ZNRF2: variants seen among roughly 807,000 people sequenced by gnomAD.
ZNRF2 encodes E3 ubiquitin-protein ligase ZNRF2.
ZNRF2 carries 16 observed loss-of-function variants against 20.4 expected under a neutral mutation model. The ratio of observed to expected loss-of-function variants is 0.79; its 90% CI spans 0.53 to 1.19. The LOEUF is 1.19. Among genes scored for constraint, ZNRF2 ranks in the 50% most tolerant of loss-of-function variants. The pLI, the probability that ZNRF2 is intolerant of heterozygous loss-of-function variation, is 0.00. For synonymous variants in ZNRF2, 178 were observed against 144.9 expected (o/e 1.23, Z -1.64); for missense variants, 363 against 332.4 (o/e 1.09, Z -0.72).
At chr7:30,349,651 A>G (rs1253018289) in intron 2 of ZNRF2, among the ~76,000 whole-genome samples, 2 of 152,110 alleles carry the variant, frequency 1.3e-5, no homozygotes, top group African/African-American at 4.8e-5. Context: ...ATGAGCCTAC[A>G]TACATTAAAA....
intron 1 of ZNRF2, among the ~76,000 whole-genome samples, chr7:30,294,204 C>G (rs1798968595): frequency 6.6e-6 from 1 of 151,960 alleles, no homozygotes; most frequent in African/African-American, 2.4e-5. Flanking sequence ...TTTGTTCTTT[C>G]TCTTAGCTTC....
chr7:30,296,373 C>T (rs527938565), intron 1 of ZNRF2, among the ~76,000 whole-genome samples: 22 of 152,070 alleles, frequency 1.4e-4, no homozygotes, highest in Non-Finnish European at 2.5e-4. Context: ...GTTTTGTGGG[C>T]GGTTGGAGAT....
intron 2 of ZNRF2, among the ~76,000 whole-genome samples, chr7:30,324,054 G>A (rs956171179): frequency 1.3e-5 from 2 of 152,072 alleles, no homozygotes; most frequent in Non-Finnish European, 2.9e-5. Flanking sequence ...TAAATGAAAA[G>A]TAAATTTTCT....
intron 1 of ZNRF2, among the ~76,000 whole-genome samples, chr7:30,290,841 A>G (rs966840450): frequency 7.9e-5 from 12 of 152,268 alleles, no homozygotes; most frequent in Non-Finnish European, 1.2e-4. Context: ...ATGGTTAAGT[A>G]TAGCATTAAT....
chr7:30,355,584 A>G (rs1352688873), intron 2 of ZNRF2, 144 bp from the exon 3 acceptor site: 3 of 578,622 alleles, frequency 5.2e-6, no homozygotes, highest in Middle Eastern at 6.5e-4. Context: ...TTTCAAATAC[A>G]CGTGCTGAGT....
chr7:30,325,869 A>G (rs1439569883), intron 2 of ZNRF2, among the ~76,000 whole-genome samples: 1 of 152,208 alleles, frequency 6.6e-6, no homozygotes, highest in Non-Finnish European at 1.5e-5. Flanking sequence ...TAAGAAATAG[A>G]AAGTGTTCTC....
intron 1 of ZNRF2, among the ~76,000 whole-genome samples, chr7:30,319,246 A>T (rs1456377207): frequency 6.6e-6 from 1 of 152,154 alleles, no homozygotes; most frequent in Non-Finnish European, 1.5e-5. Flanking sequence ...CAAGAACTGT[A>T]CTGTTTTAAG....
Position 30,324,019 on chromosome 7 carries a change from TAAATA to T in ZNRF2, c.565+283_565+287del, listed in dbSNP as rs922912699. Among the ~76,000 whole-genome samples the T allele has an allele frequency of 8.8e-4, 134 of 152,324 alleles. 1 individual carries two copies. The highest frequency in any genetic ancestry group is 3.1e-3 in the African/African-American group (130 of 41,586). On this transcript the variant is annotated intron_variant, in intron 2 of 4. Transcript: ENST00000323037. ...AATTTTTAATTTATTTTGTTAAACA[TAAATA>T]TAATTATGTTGACAACTTTTAAATG...
chr7:30,300,338 A>G lies in ZNRF2; in HGVS notation c.469+14512A>G, dbSNP rs113605503. On this transcript the variant is annotated intron_variant, in intron 1 of 4. Transcript: ENST00000323037. ...TAATTTCTGTATGTTTAGTAGAGAC[A>G]GGGTTTCACCATGTTGGCCAGGATG... 1.9e-3 allele frequency among the ~76,000 whole-genome samples: 280 copies of G among 147,382 alleles called. 1 individual carries two copies. Among genetic ancestry groups the G allele is most frequent in the Admixed American group, 3.8e-3 (56 of 14,718 alleles).
intron 3 of ZNRF2, among the ~76,000 whole-genome samples, chr7:30,360,070 T>C (rs908779456): frequency 1.3e-5 from 2 of 152,230 alleles, no homozygotes; most frequent in African/African-American, 4.8e-5. Context: ...GTACATATTC[T>C]ACAACTCAGT....
chr7:30,350,985 T>G (rs577026458), intron 2 of ZNRF2, among the ~76,000 whole-genome samples: 7 of 151,744 alleles, frequency 4.6e-5, no homozygotes, highest in Non-Finnish European at 8.8e-5. Flanking sequence ...AATTCAGTCT[T>G]ATTTGTTGGT....
chr7:30,346,082 A>G (rs986854707), intron 2 of ZNRF2, among the ~76,000 whole-genome samples: 2 of 114,870 alleles, frequency 1.7e-5, no homozygotes, highest in East Asian at 2.5e-4. Flanking sequence ...CGCCCAAAAT[A>G]TTTTTTCATT....
In ZNRF2 at chr7:30,285,779, T is replaced by A; in HGVS notation, c.422T>A (p.Leu141Gln). ...PVGGSPGGPR[L>Q]VIGSLPAHLS... ...GGCGGGAGCCCCGGCGGGCCGCGCC[T>A]GGTGATCGGCTCCTTACCAGCTCAC... Residue 141 changes from leucine to glutamine, a missense_variant, in exon 1 of 5, where the codon CTG (leucine) becomes CAG (glutamine). Coordinates refer to ENST00000323037, the MANE Select transcript of ZNRF2 (RefSeq NM_147128.4). 1.3e-6 allele frequency: 2 copies of A among 1,505,096 alleles called. No homozygotes were observed. The highest frequency in any genetic ancestry group is 2.8e-5 in the East Asian group (1 of 36,092). 93.2% of individuals were successfully genotyped at this position (1,505,096 alleles called of 1,614,324 possible). A position where few individuals can be genotyped will look rare whatever the true frequency, so the allele number is the denominator to read the frequency against.
chr7:30,365,409 G>T (rs1403238648), intron 4 of ZNRF2, among the ~76,000 whole-genome samples: 1 of 151,876 alleles, frequency 6.6e-6, no homozygotes, highest in African/African-American at 2.4e-5. Context: ...CCTACTACAT[G>T]GGCAGGGTGA....
chr7:30,364,962 C>T (rs774190858), intron 4 of ZNRF2, among the ~76,000 whole-genome samples: 9 of 152,156 alleles, frequency 5.9e-5, no homozygotes, highest in Non-Finnish European at 8.8e-5. Flanking sequence ...TGTGTGTCCT[C>T]ACGTGGTGGG....
chr7:30,324,346 C>T (rs1799519243), intron 2 of ZNRF2, among the ~76,000 whole-genome samples: 1 of 145,904 alleles, frequency 6.9e-6, no homozygotes, highest in African/African-American at 2.5e-5. Context: ...CCAGCCTGGC[C>T]AACATGGTGA....
intron 2 of ZNRF2, among the ~76,000 whole-genome samples, chr7:30,332,233 T>A (rs189303218): frequency 7.6e-4 from 115 of 152,292 alleles, no homozygotes; most frequent in Admixed American, 1.2e-3. Flanking sequence ...GAAAATCAAA[T>A]GAGAAATCAC....
Position 30,285,776 on chromosome 7 carries a change from G to T in ZNRF2, c.419G>T (p.Arg140Leu). The change falls in exon 1 of 5, where the codon CGC (arginine) becomes CTC (leucine). Residue 140 changes from arginine to leucine, a missense_variant. This residue lies in a region of ZNRF2 where 302 missense variants were observed against 231.5 expected (regional missense o/e 1.30). Coordinates refer to ENST00000323037, the MANE Select transcript of ZNRF2 (RefSeq NM_147128.4). The stretch of plus-strand genomic sequence containing the variant: ...GTGGGCGGGAGCCCCGGCGGGCCGC[G>T]CCTGGTGATCGGCTCCTTACCAGCT... The part of the protein sequence containing the change: ...RPVGGSPGGP[R>L]LVIGSLPAHL... 2.7e-6 allele frequency: 4 copies of T among 1,499,654 alleles called. No homozygotes were observed. The highest frequency in any genetic ancestry group is 2.6e-6 in the Non-Finnish European group (3 of 1,132,290). 92.9% of individuals were successfully genotyped at this position (1,499,654 alleles called of 1,614,324 possible).
At chr7:30,344,787 T>A (rs779481590) in intron 2 of ZNRF2, among the ~76,000 whole-genome samples, 1 of 152,248 alleles carries the variant, frequency 6.6e-6, no homozygotes, top group Non-Finnish European at 1.5e-5. Context: ...TACCTAGATT[T>A]CTTGCATGTT....
Sources: allele counts gnomAD v4.1 joint callset (sites outside exome capture counted in the v4.1 genomes callset), GRCh38; gene constraint gnomAD v4.1.1; regional missense constraint gnomAD v4.1.1; transcripts MANE v1.5; gene names NCBI Gene and HGNC (gene_info 2026-07-23, HGNC 2026-07-21).